Variants in EXOC2 observed in about 807,000 individuals in gnomAD.
EXOC2 encodes exocyst complex component 2.
EXOC2 carries 70 observed loss-of-function variants against 131.8 expected under a neutral mutation model. The observed-to-expected ratio is 0.53, with a 90% CI of 0.44 to 0.65. EXOC2 has a LOEUF of 0.65. EXOC2 is among the 30% of genes least tolerant of loss of function. The pLI, the probability that EXOC2 is intolerant of heterozygous loss-of-function variation, is 0.00. For missense variants in EXOC2, 923 were observed against 1,108.6 expected (o/e 0.83, Z 2.38); for synonymous variants, 411 against 398.4 (o/e 1.03, Z -0.38).
chr6:497,445 C>T lies in EXOC2; in HGVS notation c.2481G>A (p.Lys827=). Residue 827 remains lysine, a synonymous_variant, in exon 25 of 28, where the codon AAG becomes AAA. Coordinates refer to ENST00000230449, the MANE Select transcript of EXOC2 (RefSeq NM_018303.6). ...SKELVPRVLS[K]VIEAVSEELS... ...GCTCTTCAGAAACTGCTTCTATCACCTTGGATAGTACCCGAGGGACCAGTT... is the reference window on the plus strand; with the variant it reads ...GCTCTTCAGAAACTGCTTCTATCACTTTGGATAGTACCCGAGGGACCAGTT... 3 of 1,613,980 alleles carry T rather than the reference C, an allele frequency of 1.9e-6. No homozygotes were observed. Among genetic ancestry groups the T allele is most frequent in the Non-Finnish European group, 2.5e-6 (3 of 1,179,930 alleles).
At chr6:532,287 C>A (rs1299963733) in intron 23 of EXOC2, among the ~76,000 whole-genome samples, 182 bp downstream of exon 23, 1 of 152,200 alleles carries the variant, frequency 6.6e-6, no homozygotes, top group Admixed American at 6.5e-5. Flanking sequence ...ACTAATAATA[C>A]AAAGTGTCCA....
intron 23 of EXOC2, among the ~76,000 whole-genome samples, chr6:515,405 G>T (rs1765092325): frequency 6.6e-6 from 1 of 152,230 alleles, no homozygotes; most frequent in Admixed American, 6.5e-5. Flanking sequence ...TCTGTCCCCT[G>T]CTTTCCTGTC....
intron 10 of EXOC2, among the ~76,000 whole-genome samples, chr6:594,499 T>C (rs933997804): frequency 1.3e-5 from 2 of 152,352 alleles, no homozygotes; most frequent in African/African-American, 2.4e-5. Flanking sequence ...AGATACTCTT[T>C]TAGGGACGGT....
chr6:529,118 C>CCA (rs1554122783), intron 23 of EXOC2, among the ~76,000 whole-genome samples: 1 of 110,230 alleles, frequency 9.1e-6, no homozygotes, highest in Non-Finnish European at 1.7e-5. Context: ...TGCCTTTTAC[C>CCA]CCCCCCCGCG....
At chr6:663,232 T>C (rs938146860) in intron 1 of EXOC2, among the ~76,000 whole-genome samples, 1 of 152,114 alleles carries the variant, frequency 6.6e-6, no homozygotes, top group South Asian at 2.1e-4. Context: ...ATAACCCTCC[T>C]AGCTTAAATC....
At chr6:546,994 T>C (rs1398297987) in intron 22 of EXOC2, among the ~76,000 whole-genome samples, 2 of 152,224 alleles carry the variant, frequency 1.3e-5, no homozygotes, top group African/African-American at 4.8e-5. Flanking sequence ...ATTCCGGATT[T>C]AGAATGAGAA....
rs1561768229 is a variant in EXOC2 at position 488,976 on chromosome 6, T to TA, written c.2681+2dup. The TA allele has an allele frequency of 3.1e-6, 5 of 1,613,910 alleles. No homozygotes were observed. The highest frequency in any genetic ancestry group is 2.7e-5 in the African/African-American group (2 of 74,936). ...GCTCCTAAGAACAGCACACAGGACT[T>TA]ACTTTTTATCTGCTCCACTGGAAAG... On this transcript the variant is annotated splice_region_variant and intron_variant, in intron 27 of 27. Transcript: ENST00000230449.
chr6:533,239 C>A (rs1427220773), intron 22 of EXOC2, among the ~76,000 whole-genome samples: 2 of 152,116 alleles, frequency 1.3e-5, no homozygotes, highest in African/African-American at 2.4e-5. Context: ...AAAATACTAA[C>A]CACTCATTTC....
At chr6:511,765 T>G (rs1418097703) in intron 23 of EXOC2, among the ~76,000 whole-genome samples, 2 of 152,260 alleles carry the variant, frequency 1.3e-5, no homozygotes, top group Non-Finnish European at 2.9e-5. Flanking sequence ...GTGCCTCGTT[T>G]CATAGACTTG....
chr6:648,853 C>T (rs1376709599), intron 1 of EXOC2, among the ~76,000 whole-genome samples: 1 of 151,128 alleles, frequency 6.6e-6, no homozygotes, highest in African/African-American at 2.4e-5. Flanking sequence ...TTACAAGTAG[C>T]TGGGACCACA....
intron 25 of EXOC2, among the ~76,000 whole-genome samples, chr6:495,766 TC>T (rs1406259400): frequency 6.6e-6 from 1 of 152,224 alleles, no homozygotes; most frequent in Non-Finnish European, 1.5e-5. Flanking sequence ...AATTTTCATT[TC>T]CCTGCTAACT....
intron 6 of EXOC2, among the ~76,000 whole-genome samples, chr6:614,704 A>C (rs76790899): frequency 0.044 from 6,651 of 152,256 alleles, 340 homozygotes; most frequent in South Asian, 0.2. Context: ...AAATTAAAGA[A>C]AGAGATTTGT....
chr6:692,944 A>C (rs901680593), intron 1 of EXOC2, 75 bp downstream of exon 1: 3 of 152,374 alleles, frequency 2.0e-5, no homozygotes, highest in East Asian at 3.9e-4. Flanking sequence ...CGGACGCCGC[A>C]GGCGGCCACC....
chr6:553,790 G>T, intron 21 of EXOC2, 64 bp downstream of exon 21: 1 of 1,355,784 alleles, frequency 7.4e-7, no homozygotes, highest in Non-Finnish European at 1.1e-6. Flanking sequence ...ACAGTCATTA[G>T]ATTTGCGAAA....
chr6:667,921 A>G (rs1763689479), intron 1 of EXOC2, among the ~76,000 whole-genome samples: 2 of 150,916 alleles, frequency 1.3e-5, no homozygotes, highest in African/African-American at 2.4e-5. Context: ...ATCCGTCCAT[A>G]TCCTGTTGAT....
intron 27 of EXOC2, among the ~76,000 whole-genome samples, chr6:487,520 C>G (rs1322585687): frequency 6.6e-6 from 1 of 152,162 alleles, no homozygotes; most frequent in East Asian, 1.9e-4. Context: ...AATTCTCCTG[C>G]CTCAGCCTCC....
intron 25 of EXOC2, among the ~76,000 whole-genome samples, chr6:496,181 C>T (rs1226843328): frequency 6.6e-6 from 1 of 152,148 alleles, no homozygotes. Flanking sequence ...CCTGGGTCAT[C>T]TTAAGGGTGG....
rs960135713 is a variant in EXOC2 at position 553,988 on chromosome 6, A to G, written c.2055-68T>C. ...CAAATTCAAAAATGCAATGAACTAT[A>G]CGCAAATTTAAACGTGCAATGAATT... On this transcript the variant is annotated intron_variant, in intron 20 of 27. Transcript: ENST00000230449. The G allele has an allele frequency of 4.0e-6, 5 of 1,237,430 alleles. No individual in the cohort carries two copies. The African/African-American group carries it at 7.5e-5, about 19-fold the overall frequency. The allele number at this position is 1,237,430 out of a possible 1,614,324, so 76.7% of individuals were successfully genotyped here. A position where few individuals can be genotyped will look rare whatever the true frequency, so the allele number is the denominator to read the frequency against.
chr6:598,997 G>T, intron 8 of EXOC2, 56 bp from the exon 9 acceptor site: 1 of 1,559,544 alleles, frequency 6.4e-7, no homozygotes, highest in South Asian at 1.2e-5. Flanking sequence ...GAAGACATTT[G>T]GTTAATATAA....
Sources: allele counts gnomAD v4.1 joint callset (sites outside exome capture counted in the v4.1 genomes callset), GRCh38; gene constraint gnomAD v4.1.1; transcripts MANE v1.5; gene names NCBI Gene and HGNC (gene_info 2026-07-23, HGNC 2026-07-21).